Variants in SND1 observed in about 807,000 individuals in gnomAD.
SND1 encodes staphylococcal nuclease domain-containing protein 1.
In SND1, 38 loss-of-function variants were observed where a neutral mutation model predicts 121.7. The observed-to-expected ratio is 0.31, with a 90% confidence interval of 0.24 to 0.41. SND1 has a LOEUF of 0.41. SND1 is among the 10% of genes least tolerant of loss of function. The pLI is 1.00. For synonymous variants in SND1, 401 were observed against 447.4 expected (o/e 0.90, Z 1.31); for missense variants, 868 against 1,184.6 (o/e 0.73, Z 3.92).
intron 13 of SND1, among the ~76,000 whole-genome samples, chr7:127,892,293 G>T (rs772197289): frequency 1.3e-5 from 2 of 152,078 alleles, no homozygotes; most frequent in Non-Finnish European, 1.5e-5. Flanking sequence ...TTTCATGGGC[G>T]CTCAGGGAGT....
rs368211325 is a variant in SND1 at position 127,786,788 on chromosome 7, C to T, written c.1153-20696C>T. 9.9e-5 allele frequency among the ~76,000 whole-genome samples: 15 copies of T among 152,138 alleles called. No homozygotes were observed. The South Asian group carries it at 2.5e-3, about 25-fold the overall frequency. ...CCTCCCGTGTAGCTGGGACTACAGGCGCGCGCCACCATGCCCGGCTAATTT... is the reference window on the plus strand; with the variant it reads ...CCTCCCGTGTAGCTGGGACTACAGGTGCGCGCCACCATGCCCGGCTAATTT... On this transcript the variant is annotated intron_variant, in intron 10 of 23. Coordinates refer to ENST00000354725, the MANE Select transcript of SND1 (RefSeq NM_014390.4).
chr7:127,839,502 A>G (rs952842530), intron 11 of SND1, among the ~76,000 whole-genome samples: 6 of 152,098 alleles, frequency 3.9e-5, no homozygotes, highest in African/African-American at 1.4e-4. Flanking sequence ...TATCATCAGC[A>G]TCAGTCTGTG....
At chr7:127,764,382 C>G (rs144446238) in intron 10 of SND1, among the ~76,000 whole-genome samples, 2 of 152,220 alleles carry the variant, frequency 1.3e-5, no homozygotes, top group African/African-American at 4.8e-5. Flanking sequence ...TGTGTGAATG[C>G]GAAGTATTTT....
intron 16 of SND1, among the ~76,000 whole-genome samples, chr7:128,055,021 C>A (rs998639013): frequency 9.9e-5 from 15 of 152,192 alleles, no homozygotes; most frequent in African/African-American, 3.6e-4. Context: ...GATCTATTGG[C>A]CTGCAGGATG....
intron 6 of SND1, among the ~76,000 whole-genome samples, 185 bp downstream of exon 6, chr7:127,702,711 AT>A (rs1432252354): frequency 6.6e-6 from 1 of 152,120 alleles, no homozygotes; most frequent in Non-Finnish European, 1.5e-5. Context: ...TTATTTATTT[AT>A]TTTTTAAAGT....
intron 14 of SND1, among the ~76,000 whole-genome samples, chr7:127,920,409 G>A (rs768721861): frequency 1.7e-3 from 266 of 152,280 alleles, no homozygotes; most frequent in Middle Eastern, 0.01. Flanking sequence ...GAGGTCGCAG[G>A]AGGATGGAAG....
intron 12 of SND1, among the ~76,000 whole-genome samples, chr7:127,849,622 G>C (rs1799129257): frequency 6.6e-6 from 1 of 152,138 alleles, no homozygotes; most frequent in Admixed American, 6.5e-5. Context: ...AGGATGATAG[G>C]AAACAATACA....
chr7:127,871,426 C>T (rs1247312063), intron 12 of SND1, among the ~76,000 whole-genome samples: 1 of 152,156 alleles, frequency 6.6e-6, no homozygotes, highest in Non-Finnish European at 1.5e-5. Context: ...GTGAGTAATG[C>T]ATTGTGCTGC....
At chr7:127,915,527 A>G (rs1034218503) in intron 14 of SND1, among the ~76,000 whole-genome samples, 7 of 152,218 alleles carry the variant, frequency 4.6e-5, no homozygotes, top group Admixed American at 2.6e-4. Flanking sequence ...TGAATGATCA[A>G]ACAATAAGTA....
At chr7:127,706,549 T>C (rs768146221) in intron 8 of SND1, among the ~76,000 whole-genome samples, 14 of 152,112 alleles carry the variant, frequency 9.2e-5, no homozygotes, top group African/African-American at 1.4e-4. Flanking sequence ...TGAGCCACTG[T>C]GCCTGGCCCA....
chr7:127,903,558 G>T (rs996675797), intron 13 of SND1, among the ~76,000 whole-genome samples: 1 of 152,102 alleles, frequency 6.6e-6, no homozygotes, highest in Non-Finnish European at 1.5e-5. Flanking sequence ...GTTGAGTGAG[G>T]GACACATCCC....
intron 11 of SND1, among the ~76,000 whole-genome samples, chr7:127,830,935 C>A (rs1422262939): frequency 1.3e-5 from 2 of 152,188 alleles, no homozygotes; most frequent in Non-Finnish European, 2.9e-5. Context: ...AATTGGGAGG[C>A]AGTTACATGA....
chr7:127,899,497 G>A (rs1383836247), intron 13 of SND1, among the ~76,000 whole-genome samples: 1 of 152,178 alleles, frequency 6.6e-6, no homozygotes, highest in African/African-American at 2.4e-5. Flanking sequence ...TTACTGGCAT[G>A]TAGGGGGCAT....
chr7:128,053,364 T>TCCC (rs1295173551), intron 16 of SND1, among the ~76,000 whole-genome samples: 1 of 152,162 alleles, frequency 6.6e-6, no homozygotes, highest in Non-Finnish European at 1.5e-5. Context: ...TTTGGGCACT[T>TCCC]AAGTGGAGAA....
At chr7:127,694,716 C>T in intron 2 of SND1, 112 bp from the exon 3 acceptor site, 3 of 1,268,064 alleles carry the variant, frequency 2.4e-6, no homozygotes, top group South Asian at 2.7e-5. Context: ...CAGCGCAGGG[C>T]CAGGACCATG....
intron 16 of SND1, among the ~76,000 whole-genome samples, chr7:128,035,543 G>A (rs912688898): frequency 6.6e-6 from 1 of 152,250 alleles, no homozygotes; most frequent in African/African-American, 2.4e-5. Context: ...GAGAGGCACA[G>A]TGACTTACCT....
chr7:127,849,590 T>C (rs556419212), intron 12 of SND1, among the ~76,000 whole-genome samples: 2 of 152,306 alleles, frequency 1.3e-5, no homozygotes, highest in South Asian at 2.1e-4. Flanking sequence ...TCCCTATTGT[T>C]TCCCATTATG....
intron 15 of SND1, among the ~76,000 whole-genome samples, chr7:127,936,643 G>C (rs1189705025): frequency 1.3e-5 from 2 of 151,938 alleles, no homozygotes; most frequent in African/African-American, 4.8e-5. Context: ...GAACTCCTGG[G>C]CTCAAGTAAT....
chr7:127,781,428 C>T (rs17730185), intron 10 of SND1, among the ~76,000 whole-genome samples: 9,882 of 152,006 alleles, frequency 0.065, 421 homozygotes, highest in Middle Eastern at 0.2. Flanking sequence ...CAGAATTCAT[C>T]GAGAAAAATG....
Sources: gnomAD v4.1 joint callset for allele counts (sites outside exome capture counted in the v4.1 genomes callset) on GRCh38, gnomAD v4.1.1 for gene constraint, MANE v1.5 for transcripts, NCBI Gene and HGNC (gene_info 2026-07-23, HGNC 2026-07-21) for gene names.